The following RADIL variants were observed in gnomAD, a reference collection of about 807,000 sequenced individuals.
RADIL encodes Rap associating with DIL domain.
A neutral mutation model predicts 97.6 loss-of-function variants in RADIL; 99 were observed. The ratio of observed to expected loss-of-function variants is 1.01; its 90% CI spans 0.86 to 1.20. The LOEUF (loss-of-function observed/expected upper bound fraction) is 1.20, where lower values mean the gene tolerates loss of function less well. RADIL is among the 50% of genes most tolerant of loss of function. The probability of loss-of-function intolerance (pLI) is 0.00; values close to 1 mark genes in which losing one functional copy is unlikely to be tolerated. For missense variants in RADIL, 1,765 were observed against 1,498.9 expected (o/e 1.18, Z -2.93); for synonymous variants, 803 against 691.8 (o/e 1.16, Z -2.52).
rs199947712 is a variant in RADIL at position 4,849,138 on chromosome 7, CAAA to C, written c.536-12536_536-12534del. 0.03 allele frequency among the ~76,000 whole-genome samples: 3,582 copies of C among 120,528 alleles called. 129 individuals are homozygous for C. The highest frequency in any genetic ancestry group is 0.092 in the African/African-American group (3,279 of 35,740). The allele number at this position is 120,528 out of a possible 152,430, so 79.1% of individuals were successfully genotyped here. On this transcript the variant is annotated intron_variant, in intron 2 of 14. Transcript: ENST00000399583. This position sits in a 1 kb window ranked among gnomAD's most constrained non-coding sequence, Gnocchi z 5.4. Reference sequence around the variant, plus strand: ...GGGCAACAAGAGGGAAATTCTGTCTCAAAAAAAAAAAAAAAAAGGGAATTAAAA... The same window carrying C: ...GGGCAACAAGAGGGAAATTCTGTCTCAAAAAAAAAAAAAAGGGAATTAAAA...
chr7:4,828,865 G>A (rs777097344), intron 5 of RADIL, among the ~76,000 whole-genome samples: 12 of 151,494 alleles, frequency 7.9e-5, no homozygotes, highest in East Asian at 2.0e-4. Flanking sequence ...GGGCCTTCCC[G>A]TCAACGAGGA....
rs148740977 is a variant in RADIL, at chr7:4,879,490, C to T, written c.-64-1287G>A. On this transcript the variant is annotated intron_variant, in intron 1 of 14. Transcript: ENST00000399583. The surrounding 1 kb of genome is among the most constrained non-coding windows in gnomAD (Gnocchi z 4.1). ...TCTCACCAAAGACAAAGGTGGCAGA[C>T]GAGTGAGCCAGGAGGAAAGCCTATT... 5.2e-3 allele frequency among the ~76,000 whole-genome samples: 797 copies of T among 152,286 alleles called. 5 individuals carry two copies. The highest frequency in any genetic ancestry group is 7.6e-3 in the Non-Finnish European group (518 of 68,028).
intron 10 of RADIL, among the ~76,000 whole-genome samples, chr7:4,805,063 C>T (rs183775481): frequency 5.9e-5 from 9 of 152,232 alleles, no homozygotes; most frequent in Middle Eastern, 3.4e-3. Context: ...CACTGCACTC[C>T]AGCCTGGATG....
At chr7:4,806,964 A>T (rs571605195) in intron 9 of RADIL, among the ~76,000 whole-genome samples, 1 of 152,190 alleles carries the variant, frequency 6.6e-6, no homozygotes, top group Admixed American at 6.5e-5. Context: ...CAGCCCTGGG[A>T]TGCTGAGTTT....
chr7:4,837,979 G>A lies in RADIL; in HGVS notation c.536-1374C>T, dbSNP rs559217916. ...AAACAAAAGCCGGATGGAGGGAGGC[G>A]TCAGCTGGCTGAGGAAGACCCTTAC... On this transcript the variant is annotated intron_variant, in intron 2 of 14. Coordinates refer to ENST00000399583, the MANE Select transcript of RADIL (RefSeq NM_018059.5). The surrounding 1 kb of genome is among the most constrained non-coding windows in gnomAD (Gnocchi z 5.6). 17 of 985,266 alleles carry A rather than the reference G, an allele frequency of 1.7e-5. No individual in the cohort carries two copies. The highest frequency in any genetic ancestry group is 2.3e-4 in the East Asian group (2 of 8,806). 61.0% of individuals were successfully genotyped at this position (985,266 alleles called of 1,614,324 possible). A position where few individuals can be genotyped will look rare whatever the true frequency, so the allele number is the denominator to read the frequency against.
intron 2 of RADIL, among the ~76,000 whole-genome samples, chr7:4,843,888 G>T (rs1783505265): frequency 6.9e-6 from 1 of 144,786 alleles, no homozygotes; most frequent in Non-Finnish European, 1.5e-5. Flanking sequence ...CTCCAGCCTG[G>T]GTGACAGAGC....
In RADIL at chr7:4,854,537, T is replaced by C. The variant is rs998832375; in HGVS notation, c.536-17932A>G. On this transcript the variant is annotated intron_variant, in intron 2 of 14. Coordinates refer to ENST00000399583, the MANE Select transcript of RADIL (RefSeq NM_018059.5). The surrounding 1 kb of genome is among the most constrained non-coding windows in gnomAD (Gnocchi z 5.1). ...GGTGAAATCCTGTCTCTACTAAAAA[T>C]ACAAAAATTAGCTGGGTATGTTGGC... Among the ~76,000 whole-genome samples the C allele has an allele frequency of 1.3e-5, 2 of 152,048 alleles. No individual in the cohort carries two copies. Among genetic ancestry groups the C allele is most frequent in the African/African-American group, 2.4e-5 (1 of 41,422 alleles).
At chr7:4,807,244 C>G (rs538732591) in intron 9 of RADIL, among the ~76,000 whole-genome samples, 6 of 152,130 alleles carry the variant, frequency 3.9e-5, no homozygotes, top group African/African-American at 1.4e-4. Flanking sequence ...TCTCGGGCGT[C>G]GTGCAGGAGG....
intron 2 of RADIL, among the ~76,000 whole-genome samples, chr7:4,851,061 C>T (rs1376546721): frequency 6.6e-5 from 10 of 151,750 alleles, no homozygotes; most frequent in Admixed American, 1.3e-4. Flanking sequence ...AAAAAGTAGC[C>T]GGGCATGGTG....
intron 2 of RADIL, among the ~76,000 whole-genome samples, chr7:4,856,672 T>C (rs966003593): frequency 6.6e-6 from 1 of 152,268 alleles, no homozygotes; most frequent in Non-Finnish European, 1.5e-5. Context: ...GAACATGTCC[T>C]ATAAATCAGA....
chr7:4,828,412 C>T (rs999096212), intron 5 of RADIL, among the ~76,000 whole-genome samples: 2 of 152,144 alleles, frequency 1.3e-5, no homozygotes, highest in African/African-American at 4.8e-5. Flanking sequence ...AAGCCGAGGT[C>T]GCGCCAATGC....
intron 10 of RADIL, chr7:4,804,002 A>ACAAGG: frequency 1.7e-6 from 1 of 573,272 alleles, no homozygotes; most frequent in Non-Finnish European, 3.2e-6. Flanking sequence ...AAGGCCTTGT[A>ACAAGG]GCCAGGAACC....
At chr7:4,827,630 C>T (rs1395598105) in intron 5 of RADIL, among the ~76,000 whole-genome samples, 2 of 152,194 alleles carry the variant, frequency 1.3e-5, no homozygotes, top group Non-Finnish European at 1.5e-5. Context: ...CACTGTACTC[C>T]AGCCTGGGGG....
At chr7:4,800,109 G>A (rs1178423541) in intron 13 of RADIL, 62 bp downstream of exon 13, 35 of 1,552,084 alleles carry the variant, frequency 2.3e-5, no homozygotes, top group Non-Finnish European at 3.0e-5. Flanking sequence ...GGCCAGGCTT[G>A]CATGAACAGG....
At chr7:4,871,386 A>G (rs1333825523) in intron 2 of RADIL, among the ~76,000 whole-genome samples, 1 of 152,234 alleles carries the variant, frequency 6.6e-6, no homozygotes, top group Non-Finnish European at 1.5e-5. Flanking sequence ...AGAGGAAGGC[A>G]GCGGCGCTTC....
intron 9 of RADIL, among the ~76,000 whole-genome samples, chr7:4,807,967 T>A (rs1386910230): frequency 5.4e-5 from 2 of 37,234 alleles, no homozygotes; most frequent in Non-Finnish European, 4.3e-5. Flanking sequence ...GTCTCTCTCC[T>A]CTCCCTCCTC....
At chr7:4,829,430 T>G (rs1783080670) in intron 5 of RADIL, among the ~76,000 whole-genome samples, 1 of 152,196 alleles carries the variant, frequency 6.6e-6, no homozygotes, top group African/African-American at 2.4e-5. Context: ...TGCTGGGGAC[T>G]CCAGGTCAGT....
intron 7 of RADIL, among the ~76,000 whole-genome samples, chr7:4,816,709 G>A (rs1028629994): frequency 6.6e-6 from 1 of 152,132 alleles, no homozygotes; most frequent in African/African-American, 2.4e-5. Flanking sequence ...ATCTGCTGTC[G>A]GAGGCACAGA....
intron 2 of RADIL, among the ~76,000 whole-genome samples, chr7:4,855,316 G>C (rs1479907186): frequency 6.6e-6 from 1 of 152,088 alleles, no homozygotes; most frequent in Non-Finnish European, 1.5e-5. Flanking sequence ...TGGCACACTG[G>C]AGGTAAACTA....
Sources: allele counts gnomAD v4.1 joint callset (sites outside exome capture counted in the v4.1 genomes callset), GRCh38; gene constraint gnomAD v4.1.1; non-coding constraint Gnocchi (gnomAD v3.1); transcripts MANE v1.5; gene names NCBI Gene and HGNC (gene_info 2026-07-23, HGNC 2026-07-21).